The following AKAP9 variants were observed in gnomAD, a reference collection of about 807,000 sequenced individuals.
AKAP9 encodes A-kinase anchoring protein 9.
Under a neutral mutation model 488.5 loss-of-function variants are expected in AKAP9, and 311 were observed. The ratio of observed to expected loss-of-function variants is 0.64; its 90% CI spans 0.58 to 0.70. The LOEUF is 0.70. AKAP9 is among the 30% of genes least tolerant of loss of function. AKAP9 has a pLI of 0.00. For missense variants in AKAP9, 4,215 were observed against 4,374.5 expected, an observed-to-expected ratio of 0.96 and a Z score of 1.03; for synonymous variants, 1,462 against 1,483.5, an observed-to-expected ratio of 0.99 and a Z score of 0.33.
chr7:91,966,709 T>C (rs965473044), intron 1 of AKAP9, among the ~76,000 whole-genome samples: 1 of 152,224 alleles, frequency 6.6e-6, no homozygotes, highest in African/African-American at 2.4e-5. Context: ...TCTGTTTTTA[T>C]GCCAAGACCA....
chr7:92,027,700 G>A (rs546172706), intron 14 of AKAP9, among the ~76,000 whole-genome samples: 21 of 150,680 alleles, frequency 1.4e-4, no homozygotes, highest in South Asian at 8.4e-4. Context: ...TGGCCGCCCC[G>A]TCTGGGATGT....
intron 21 of AKAP9, among the ~76,000 whole-genome samples, chr7:92,051,119 T>C (rs1290327277): frequency 3.3e-5 from 5 of 152,216 alleles, no homozygotes; most frequent in Admixed American, 2.6e-4. Flanking sequence ...CTATAAAATT[T>C]AAGACCATTT....
At chr7:91,945,740 A>T (rs1439424958) in intron 1 of AKAP9, among the ~76,000 whole-genome samples, 2 of 152,228 alleles carry the variant, frequency 1.3e-5, no homozygotes, top group East Asian at 3.8e-4. Flanking sequence ...TGTTTTGACG[A>T]GGATGGCACT....
chr7:92,034,756 C>T (rs1172492142), intron 16 of AKAP9, among the ~76,000 whole-genome samples: 1 of 151,610 alleles, frequency 6.6e-6, no homozygotes, highest in East Asian at 1.9e-4. Flanking sequence ...ACCTCGGCCT[C>T]CCAAAGTACT....
rs759956336 is a variant in AKAP9 at position 91,995,741 on chromosome 7, AAAG to A, written c.876_878del (p.Glu292del). ...CTTATTAGAAGATTATCAGAAAAAG[AAAG>A]AAGACTTCACAATGCAAATTAGTTT... On this transcript the variant is annotated inframe_deletion, in exon 7 of 50. Transcript: ENST00000356239. 1.5e-5 allele frequency: 25 copies of A among 1,613,294 alleles called. 1 individual carries two copies. The highest frequency in any genetic ancestry group is 2.1e-5 in the Non-Finnish European group (25 of 1,179,336).
chr7:92,066,397 G>T lies in AKAP9; in HGVS notation c.6211-30G>T, dbSNP rs752811150. On this transcript the variant is annotated intron_variant, in intron 25 of 49. Transcript: ENST00000356239. ...AGCTTCTCTAAATACTGTTTCTTCA[G>T]CTACTATCATTATTGTCATTAAACT... 5 of 1,610,928 alleles carry T rather than the reference G, an allele frequency of 3.1e-6. No homozygotes were observed. In the Admixed American group the frequency reaches 8.3e-5, roughly 27 times the overall value.
rs796565514 is a variant in AKAP9, at chr7:92,097,159, G to A, written c.10200G>A (p.Glu3400=). ...AGACAGAACAGGAGGCCAACACTGAGGGACAGAAAAAAATGCATGAGCTCC... is the reference window on the plus strand; with the variant it reads ...AGACAGAACAGGAGGCCAACACTGAAGGACAGAAAAAAATGCATGAGCTCC... ...TLQTEQEANT[E]GQKKMHELQS... Residue 3400 remains glutamate, a synonymous_variant, in exon 41 of 50, where the codon GAG becomes GAA. Coordinates refer to ENST00000356239, the MANE Select transcript of AKAP9 (RefSeq NM_005751.5). 9 of 1,613,994 alleles carry A rather than the reference G, an allele frequency of 5.6e-6. No individual in the cohort carries two copies. In the African/African-American group the frequency reaches 9.3e-5, roughly 17 times the overall value.
intron 8 of AKAP9, among the ~76,000 whole-genome samples, chr7:92,008,413 C>T (rs1584084308): frequency 6.6e-6 from 1 of 151,908 alleles, no homozygotes; most frequent in African/African-American, 2.4e-5. Flanking sequence ...GGCCAGCGGG[C>T]GTGGTGGCTC....
intron 1 of AKAP9, among the ~76,000 whole-genome samples, chr7:91,943,386 G>A (rs1342291016): frequency 6.6e-6 from 1 of 152,184 alleles, no homozygotes; most frequent in African/African-American, 2.4e-5. Flanking sequence ...TATTTCATTT[G>A]TATAAACGTG....
At position 91,949,596 on chromosome 7, in the gene AKAP9, G is replaced by T. The variant is rs552864990; in HGVS notation, c.48+8449G>T. Among the ~76,000 whole-genome samples, 18 of 152,224 alleles carry T rather than the reference G, an allele frequency of 1.2e-4. No homozygotes were observed. In the South Asian group the frequency reaches 3.7e-3, roughly 32 times the overall value. On this transcript the variant is annotated intron_variant, in intron 1 of 49. Coordinates refer to ENST00000356239, the MANE Select transcript of AKAP9 (RefSeq NM_005751.5). ...TATGAGATGTCTTTGTTGTCATATT[G>T]ACACCCCTTTTATTTTTTGTCTTAG... is the stretch of plus-strand genomic sequence containing the variant.
At chr7:92,044,165 T>C (rs568752865) in intron 20 of AKAP9, among the ~76,000 whole-genome samples, 133 of 152,310 alleles carry the variant, frequency 8.7e-4, no homozygotes, top group African/African-American at 3.2e-3. Flanking sequence ...AGTCTAGAAA[T>C]ACAGGCATTA....
chr7:91,945,546 T>C (rs980814055), intron 1 of AKAP9, among the ~76,000 whole-genome samples: 15 of 152,150 alleles, frequency 9.9e-5, no homozygotes, highest in Non-Finnish European at 1.6e-4. Flanking sequence ...CAGTGTAGCC[T>C]GCCCAGTGGG....
At chr7:91,992,840 G>A (rs879247948) in intron 4 of AKAP9, 45 bp from the exon 5 acceptor site, 2 of 1,565,404 alleles carry the variant, frequency 1.3e-6, no homozygotes, top group East Asian at 2.2e-5. Flanking sequence ...TCTCCCTAAG[G>A]AATATTGCTA....
rs1815178243 is a variant in AKAP9, at chr7:92,089,549, C to T, written c.9358+20C>T. ...GCCAAGGTATGTTGTATGACAAGCT[C>T]ATATGGTTACACAAACAGGTGAAAA... On this transcript the variant is annotated intron_variant, in intron 38 of 49. Transcript: ENST00000356239. 1 of 1,610,470 alleles carries T rather than the reference C, an allele frequency of 6.2e-7. No homozygotes were observed. Among genetic ancestry groups the T allele is most frequent in the Admixed American group, 1.7e-5 (1 of 59,850 alleles).
At position 92,062,460 on chromosome 7, in the gene AKAP9, A is replaced by C. The variant is rs1353892514; in HGVS notation, c.5951A>C (p.Lys1984Thr). Residue 1984 changes from lysine to threonine, a missense_variant, in exon 24 of 50, where the codon AAA becomes ACA. By Grantham distance (78) the Lys-to-Thr change is moderately conservative. Coordinates refer to ENST00000356239, the MANE Select transcript of AKAP9 (RefSeq NM_005751.5). ...ELLSRQKEAM[K>T]AEAGPVEQQL... ...CTGTCCAGACAAAAGGAAGCTATGAAAGCAGAGGCAGGCCCAGTTGAACAA... is the reference window on the plus strand; with the variant it reads ...CTGTCCAGACAAAAGGAAGCTATGACAGCAGAGGCAGGCCCAGTTGAACAA... The C allele has an allele frequency of 3.1e-6, 5 of 1,613,500 alleles. No individual in the cohort carries two copies. The African/African-American group carries it at 6.7e-5, about 22-fold the overall frequency.
At chr7:91,987,143 G>A (rs1212518160) in intron 3 of AKAP9, among the ~76,000 whole-genome samples, 4 of 152,172 alleles carry the variant, frequency 2.6e-5, no homozygotes, top group South Asian at 2.1e-4. Flanking sequence ...AGCCAGGCAC[G>A]GTGGCTCATT....
intron 8 of AKAP9, among the ~76,000 whole-genome samples, chr7:92,007,895 T>C (rs963491000): frequency 6.6e-5 from 10 of 152,260 alleles, no homozygotes; most frequent in African/African-American, 2.4e-4. Context: ...GCCTTAAATA[T>C]ATTGATTTTA....
chr7:92,076,152 A>G (rs1812552065), intron 28 of AKAP9, among the ~76,000 whole-genome samples: 1 of 152,246 alleles, frequency 6.6e-6, no homozygotes, highest in Admixed American at 6.5e-5. Context: ...ATATAAAAAT[A>G]ATTCTTAATA....
intron 28 of AKAP9, among the ~76,000 whole-genome samples, chr7:92,075,289 A>T (rs1455974413): frequency 6.6e-6 from 1 of 152,218 alleles, no homozygotes; most frequent in Non-Finnish European, 1.5e-5. Context: ...TTTGAACTTA[A>T]ATAACTATTT....
Sources: gnomAD v4.1 joint callset for allele counts (sites outside exome capture counted in the v4.1 genomes callset) on GRCh38, gnomAD v4.1.1 for gene constraint, MANE v1.5 for transcripts, NCBI Gene and HGNC (gene_info 2026-07-23, HGNC 2026-07-21) for gene names.